RRAGC: variants seen among roughly 807,000 people sequenced by gnomAD.
The protein encoded by RRAGC is Ras related GTP binding C.
A neutral mutation model predicts 37.1 loss-of-function variants in RRAGC; 8 were observed. The observed-to-expected ratio is 0.22, with a 90% CI of 0.13 to 0.39. The LOEUF is 0.39. Ranked by LOEUF, RRAGC falls within the 10% of genes least tolerant of loss-of-function variation. The probability of loss-of-function intolerance (pLI) is 1.00; values close to 1 mark genes in which losing one functional copy is unlikely to be tolerated. For synonymous variants in RRAGC, 190 were observed against 181.1 expected, an observed-to-expected ratio of 1.05 and a Z score of -0.39; for missense variants, 342 against 497.6, an observed-to-expected ratio of 0.69 and a Z score of 2.98.
chr1:38,842,225 T>C (rs908479098), intron 6 of RRAGC, among the ~76,000 whole-genome samples: 1 of 152,102 alleles, frequency 6.6e-6, no homozygotes, highest in Non-Finnish European at 1.5e-5. Context: ...TGAGCCGAGA[T>C]CGCACCACTG....
intron 1 of RRAGC, among the ~76,000 whole-genome samples, chr1:38,858,261 A>G (rs1642191618): frequency 6.6e-6 from 1 of 152,210 alleles, no homozygotes; most frequent in African/African-American, 2.4e-5. Flanking sequence ...AAAAAATCAC[A>G]GATTTATTTT....
chr1:38,842,298 A>G (rs1196898676), intron 6 of RRAGC, among the ~76,000 whole-genome samples: 2 of 152,138 alleles, frequency 1.3e-5, no homozygotes, highest in East Asian at 3.9e-4. Flanking sequence ...AAATAAACTA[A>G]CATAGAGAAA....
intron 5 of RRAGC, 111 bp from the exon 6 acceptor site, chr1:38,846,198 A>T: frequency 1.2e-6 from 1 of 814,634 alleles, no homozygotes; most frequent in South Asian, 1.6e-5. Context: ...GGGAAAGAAT[A>T]CTGGCTTAAA....
rs969315110 is a variant in RRAGC at position 38,839,645 on chromosome 1, C to T, written c.1108G>A (p.Gly370Ser). The change falls in exon 7 of 7, where the codon GGT (glycine) becomes AGT (serine). Residue 370 changes from glycine (G) to serine (S), a missense_variant. Transcript: ENST00000373001. ...CCACAGCTCCTGTGAGAAGTCACAC[C>T]CACCTCAAAAACCTCATGAATAGCT... ...RKAIHEVFEVGVTSHRSCGHQ... is the reference protein window; with the variant it reads ...RKAIHEVFEVSVTSHRSCGHQ... 3.7e-6 allele frequency: 6 copies of T among 1,614,094 alleles called. No individual in the cohort carries two copies. The highest frequency in any genetic ancestry group is 5.1e-6 in the Non-Finnish European group (6 of 1,180,014).
chr1:38,842,040 AG>A (rs1045658910), intron 6 of RRAGC, among the ~76,000 whole-genome samples: 13 of 152,152 alleles, frequency 8.5e-5, no homozygotes, highest in African/African-American at 3.1e-4. Flanking sequence ...CAGGAGGCTG[AG>A]GCAGGTGGAT....
chr1:38,839,555 AGAT>A lies in RRAGC; in HGVS notation c.1195_1197del (p.Ile399del). 1 of 1,614,066 alleles carries A rather than the reference AGAT, an allele frequency of 6.2e-7. No individual in the cohort carries two copies. The highest frequency in any genetic ancestry group is 8.5e-7 in the Non-Finnish European group (1 of 1,179,996). ...GAGCCCCGACGCTGGGATTCAGACT[AGAT>A]GGCGTTTCGTGGCGTGCCATTGTGT... On this transcript the variant is annotated inframe_deletion, in exon 7 of 7. Transcript: ENST00000373001.
At chr1:38,853,571 C>A (rs113637402) in intron 3 of RRAGC, among the ~76,000 whole-genome samples, 1,976 of 152,152 alleles carry the variant, frequency 0.013, 48 homozygotes, top group African/African-American at 0.045. Flanking sequence ...CATGGAGAAA[C>A]CCCATGTCTA....
intron 2 of RRAGC, 62 bp from the exon 3 acceptor site, chr1:38,855,969 A>G: frequency 8.4e-7 from 1 of 1,197,462 alleles, no homozygotes; most frequent in Non-Finnish European, 1.2e-6. Context: ...AATGAGTTAA[A>G]GCCTCAAACC....
At position 38,859,667 on chromosome 1, in the gene RRAGC, C is replaced by A. The variant is rs759099996; in HGVS notation, c.-21G>T. 1.4e-5 allele frequency: 22 copies of A among 1,531,516 alleles called. No homozygotes were observed. In the South Asian group the frequency reaches 2.2e-4, roughly 15 times the overall value. 94.9% of individuals were successfully genotyped at this position (1,531,516 alleles called of 1,614,324 possible). ...GACATGGTGCTGGAGCCGCCGCCGCCCGCGCCCTGACAGGCCAGGCCAGGC... is the reference window on the plus strand; with the variant it reads ...GACATGGTGCTGGAGCCGCCGCCGCACGCGCCCTGACAGGCCAGGCCAGGC... On this transcript the variant is annotated 5_prime_UTR_variant, in exon 1 of 7. Coordinates refer to ENST00000373001, the MANE Select transcript of RRAGC (RefSeq NM_022157.4).
intron 4 of RRAGC, 96 bp from the exon 5 acceptor site, chr1:38,851,853 AT>A: frequency 9.1e-7 from 1 of 1,101,320 alleles, no homozygotes; most frequent in Non-Finnish European, 1.3e-6. Context: ...ATCCAAGGTC[AT>A]TTTTAATTAT....
chr1:38,857,803 T>C (rs1031590928), intron 1 of RRAGC, among the ~76,000 whole-genome samples: 7 of 152,122 alleles, frequency 4.6e-5, no homozygotes, highest in Middle Eastern at 3.4e-3. Context: ...CCACTAAAAA[T>C]ACCAAAATTA....
At chr1:38,846,881 C>T (rs1045289414) in intron 5 of RRAGC, 1 of 151,798 alleles carries the variant, frequency 6.6e-6, no homozygotes, top group East Asian at 2.0e-4. Context: ...GGCGGGCCAC[C>T]TGTCTTGAGG....
intron 1 of RRAGC, among the ~76,000 whole-genome samples, chr1:38,858,118 A>G (rs1642189364): frequency 6.6e-6 from 1 of 151,556 alleles, no homozygotes; most frequent in African/African-American, 2.4e-5. Context: ...CTAAAAACCT[A>G]CAGTCAACGT....
chr1:38,852,241 G>A (rs898864599), intron 4 of RRAGC, 133 bp downstream of exon 4: 11 of 650,718 alleles, frequency 1.7e-5, no homozygotes, highest in East Asian at 8.4e-5. Flanking sequence ...TATTTTACAT[G>A]TTAAGTGGGT....
intron 5 of RRAGC, among the ~76,000 whole-genome samples, chr1:38,851,298 C>T (rs1301315134): frequency 6.6e-6 from 1 of 152,068 alleles, no homozygotes; most frequent in Admixed American, 6.6e-5. Context: ...TCTAGTTTTT[C>T]AATCTAACTA....
At chr1:38,855,680 C>T in intron 3 of RRAGC, 28 bp downstream of exon 3, 1 of 1,575,380 alleles carries the variant, frequency 6.3e-7, no homozygotes, top group South Asian at 1.1e-5. Flanking sequence ...TTGTTCAGGG[C>T]TTTCATATCA....
intron 2 of RRAGC, 192 bp downstream of exon 2, chr1:38,856,687 T>C: frequency 3.7e-6 from 2 of 533,872 alleles, no homozygotes; most frequent in Non-Finnish European, 6.6e-6. Flanking sequence ...TATCTCCTAA[T>C]CATCTGATAT....
intron 6 of RRAGC, among the ~76,000 whole-genome samples, chr1:38,840,601 A>T (rs534634467): frequency 5.8e-4 from 89 of 152,250 alleles, no homozygotes; most frequent in Non-Finnish European, 9.7e-4. Context: ...TGAAAACTTC[A>T]GGGACAAGAA....
Position 38,852,245 on chromosome 1 carries a change from A to G in RRAGC, c.756+129T>C, listed in dbSNP as rs1642109725. 1.4e-5 allele frequency: 9 copies of G among 661,362 alleles called. No homozygotes were observed. The South Asian group carries it at 1.5e-4, about 11-fold the overall frequency. 41.0% of individuals were successfully genotyped at this position (661,362 alleles called of 1,614,324 possible). A position where few individuals can be genotyped will look rare whatever the true frequency, so the allele number is the denominator to read the frequency against. On this transcript the variant is annotated intron_variant, in intron 4 of 6. Transcript: ENST00000373001. ...ATGTTATCATTTATTTTACATGTTA[A>G]GTGGGTCACTAGTCTTTGTACTTGA...
Sources: gnomAD v4.1 joint callset for allele counts (sites outside exome capture counted in the v4.1 genomes callset) on GRCh38, gnomAD v4.1.1 for gene constraint, MANE v1.5 for transcripts, NCBI Gene and HGNC (gene_info 2026-07-23, HGNC 2026-07-21) for gene names.